The following PTPRN2 variants were observed in gnomAD, a reference collection of about 807,000 sequenced individuals.
The protein encoded by PTPRN2 is protein tyrosine phosphatase receptor type N2.
A neutral mutation model predicts 118.8 loss-of-function variants in PTPRN2; 74 were observed. The observed-to-expected ratio is 0.62, with a 90% CI of 0.52 to 0.76. The LOEUF (loss-of-function observed/expected upper bound fraction) is 0.76. Among genes scored for constraint, PTPRN2 ranks in the 30% least tolerant of loss-of-function variants. PTPRN2 has a pLI of 0.00. For missense variants in PTPRN2, 1,481 were observed against 1,394.4 expected (o/e 1.06, Z -0.99); for synonymous variants, 641 against 608.0 (o/e 1.05, Z -0.80).
At chr7:157,919,551 T>C (rs1798590368) in intron 11 of PTPRN2, among the ~76,000 whole-genome samples, 1 of 152,088 alleles carries the variant, frequency 6.6e-6, no homozygotes. Flanking sequence ...AATAAAAATA[T>C]AAATTAAACT....
At position 158,199,360 on chromosome 7, in the gene PTPRN2, G is replaced by A. The variant is rs185283520; in HGVS notation, c.380+5811C>T. On this transcript the variant is annotated intron_variant, in intron 4 of 22. Coordinates refer to ENST00000389418, the MANE Select transcript of PTPRN2 (RefSeq NM_002847.5). ...CTGCTTTGCTGATTTTCCACACTGCGTCTCTTTCTGGCTTTCTCTCATGGG... is the reference window on the plus strand; with the variant it reads ...CTGCTTTGCTGATTTTCCACACTGCATCTCTTTCTGGCTTTCTCTCATGGG... Among the ~76,000 whole-genome samples the A allele has an allele frequency of 1.1e-4, 16 of 152,250 alleles. No individual in the cohort carries two copies. The East Asian group carries it at 2.9e-3, about 28-fold the overall frequency.
intron 2 of PTPRN2, among the ~76,000 whole-genome samples, chr7:158,402,603 GA>G (rs1813032450): frequency 1.3e-5 from 2 of 152,312 alleles, no homozygotes; most frequent in South Asian, 4.2e-4. Flanking sequence ...CCAAAATGCA[GA>G]GTCATCGATG....
intron 2 of PTPRN2, among the ~76,000 whole-genome samples, chr7:158,453,564 C>G (rs1028901647): frequency 1.1e-4 from 17 of 152,066 alleles, no homozygotes; most frequent in African/African-American, 4.1e-4. Context: ...GGAAAAGTGG[C>G]AGCTGCCGCA....
At chr7:157,571,560 T>C in intron 19 of PTPRN2, 67 bp from the exon 20 acceptor site, 13 of 1,249,664 alleles carry the variant, frequency 1.0e-5, no homozygotes, top group East Asian at 2.4e-5. Context: ...AAAACAACTA[T>C]TAAAACAAAG....
At chr7:157,799,862 C>G (rs1805129257) in intron 12 of PTPRN2, among the ~76,000 whole-genome samples, 1 of 130,262 alleles carries the variant, frequency 7.7e-6, no homozygotes, top group Non-Finnish European at 1.7e-5. Context: ...CACAGCCGGC[C>G]CCCTCCATCC....
rs1563393251 is a variant in PTPRN2 at position 158,071,746 on chromosome 7, TCA to T, written c.1723+9550_1723+9551del. On this transcript the variant is annotated intron_variant, in intron 11 of 22. Coordinates refer to ENST00000389418, the MANE Select transcript of PTPRN2 (RefSeq NM_002847.5). ...GAGGTGCTCGTGGTGGTGGAGGTGC[TCA>T]TGGTGGAGGTGCTCGTGGTGATGGA... 1.8e-3 allele frequency among the ~76,000 whole-genome samples: 247 copies of T among 133,834 alleles called. 12 individuals are homozygous for T. The highest frequency in any genetic ancestry group is 6.2e-3 in the African/African-American group (203 of 32,644). The allele number at this position is 133,834 out of a possible 152,430, so 87.8% of individuals were successfully genotyped here. A position where few individuals can be genotyped will look rare whatever the true frequency, so the allele number is the denominator to read the frequency against.
At chr7:158,365,695 T>G (rs1809388273) in intron 2 of PTPRN2, among the ~76,000 whole-genome samples, 1 of 140,112 alleles carries the variant, frequency 7.1e-6, no homozygotes. Flanking sequence ...CGCAGCCCAA[T>G]GCACACATGC....
chr7:158,203,063 C>G (rs993228572), intron 4 of PTPRN2, among the ~76,000 whole-genome samples: 3 of 151,774 alleles, frequency 2.0e-5, no homozygotes, highest in African/African-American at 4.8e-5. Context: ...AAAACCCCAT[C>G]TCTACTAAAA....
At chr7:157,563,700 G>A (rs149234476) in intron 21 of PTPRN2, among the ~76,000 whole-genome samples, 2,567 of 142,946 alleles carry the variant, frequency 0.018, 61 homozygotes, top group African/African-American at 0.066. Flanking sequence ...AGGACCACGT[G>A]CTCCCACATC....
intron 2 of PTPRN2, among the ~76,000 whole-genome samples, chr7:158,329,197 G>A (rs140779314): frequency 2.6e-5 from 4 of 152,226 alleles, no homozygotes; most frequent in African/African-American, 2.4e-5. Flanking sequence ...GCCAGGCGGG[G>A]CAGGGGGAAG....
At chr7:157,692,930 C>G (rs1262395300) in intron 12 of PTPRN2, among the ~76,000 whole-genome samples, 1 of 152,064 alleles carries the variant, frequency 6.6e-6, no homozygotes, top group Non-Finnish European at 1.5e-5. Context: ...CTCCCAGGGA[C>G]CTTCTCGGGC....
intron 11 of PTPRN2, among the ~76,000 whole-genome samples, chr7:157,968,891 G>T (rs1175144992): frequency 6.6e-6 from 1 of 152,200 alleles, no homozygotes; most frequent in Non-Finnish European, 1.5e-5. Context: ...GTTAAAACGA[G>T]CAGTAGGCAC....
intron 3 of PTPRN2, among the ~76,000 whole-genome samples, chr7:158,251,641 A>ATGTGGGGCGTGTG (rs2150895009): frequency 8.4e-6 from 1 of 119,024 alleles, no homozygotes; most frequent in African/African-American, 3.3e-5. Flanking sequence ...TCTATGGTGC[A>ATGTGGGGCGTGTG]CATGTGGTGT....
chr7:157,898,632 C>T (rs777147670), intron 12 of PTPRN2, 41 bp downstream of exon 12: 2 of 1,527,524 alleles, frequency 1.3e-6, no homozygotes, highest in Non-Finnish European at 1.8e-6. Context: ...CCAGACAGCA[C>T]TGCAGATCGC....
At chr7:158,210,302 A>AT (rs1233669599) in intron 3 of PTPRN2, among the ~76,000 whole-genome samples, 4 of 151,604 alleles carry the variant, frequency 2.6e-5, no homozygotes, top group Non-Finnish European at 5.9e-5. Flanking sequence ...CGCCTGGCTA[A>AT]TTTTTTGTAT....
intron 2 of PTPRN2, among the ~76,000 whole-genome samples, chr7:158,414,314 G>T (rs1451372404): frequency 1.3e-5 from 2 of 152,188 alleles, no homozygotes; most frequent in African/African-American, 4.8e-5. Flanking sequence ...GCAGTCACCT[G>T]TGAGAATTTA....
intron 12 of PTPRN2, among the ~76,000 whole-genome samples, chr7:157,835,565 A>G (rs1741540017): frequency 6.6e-6 from 1 of 152,148 alleles, no homozygotes; most frequent in Non-Finnish European, 1.5e-5. Context: ...TTGCAAGAAG[A>G]AGCTAGAATG....
chr7:157,619,607 C>T lies in PTPRN2; in HGVS notation c.2344+1755G>A, dbSNP rs1392292585. ...TCACACAGCTTCTGTTTTTAGATCT[C>T]TTTAGGGTTAAAACCCTCAGACCTC... On this transcript the variant is annotated intron_variant, in intron 15 of 22. Coordinates refer to ENST00000389418, the MANE Select transcript of PTPRN2 (RefSeq NM_002847.5). The surrounding 1 kb of genome is among the most constrained non-coding windows in gnomAD (Gnocchi z 5.3). Among the ~76,000 whole-genome samples the T allele has an allele frequency of 6.6e-6, 1 of 152,212 alleles. No homozygotes were observed. Among genetic ancestry groups the T allele is most frequent in the African/African-American group, 2.4e-5 (1 of 41,452 alleles).
chr7:158,223,348 A>G (rs1253817961), intron 3 of PTPRN2, among the ~76,000 whole-genome samples: 1 of 152,194 alleles, frequency 6.6e-6, no homozygotes, highest in Admixed American at 6.5e-5. Context: ...ACCCGATACC[A>G]AAAGCAAACA....
Sources: allele counts gnomAD v4.1 joint callset (sites outside exome capture counted in the v4.1 genomes callset), GRCh38; gene constraint gnomAD v4.1.1; non-coding constraint Gnocchi (gnomAD v3.1); transcripts MANE v1.5; gene names NCBI Gene and HGNC (gene_info 2026-07-23, HGNC 2026-07-21).